Variants in CHD9 observed in about 807,000 individuals in gnomAD.
CHD9 encodes chromodomain helicase DNA binding protein 9, also known as ATP-dependent chromatin remodeler CHD9.
In CHD9, 77 loss-of-function variants were observed where a neutral mutation model predicts 316.1. That is an observed-to-expected ratio of 0.24 (90% confidence interval 0.20 to 0.29). The LOEUF is 0.29. CHD9 is among the 10% of genes least tolerant of loss of function. The pLI, the probability that CHD9 is intolerant of heterozygous loss-of-function variation, is 1.00. For synonymous variants in CHD9, 1,129 were observed against 1,158.3 expected (o/e 0.97, Z 0.51); for missense variants, 2,763 against 3,438.1 (o/e 0.80, Z 4.91).
chr16:53,215,925 T>C (rs913303171), intron 3 of CHD9, among the ~76,000 whole-genome samples: 72 of 152,214 alleles, frequency 4.7e-4, no homozygotes, highest in Non-Finnish European at 1.3e-4. Flanking sequence ...AAATTCATAC[T>C]TTAGTTTGAA....
intron 24 of CHD9, among the ~76,000 whole-genome samples, chr16:53,276,128 A>G (rs910638059): frequency 1.3e-5 from 2 of 152,098 alleles, no homozygotes; most frequent in African/African-American, 4.8e-5. Context: ...TCATTATTCA[A>G]CATAGATTCT....
chr16:53,127,928 G>A (rs1402544870), intron 1 of CHD9, among the ~76,000 whole-genome samples: 2 of 124,624 alleles, frequency 1.6e-5, no homozygotes, highest in African/African-American at 6.0e-5. Flanking sequence ...GGCCGACAGA[G>A]TGAGACTCTG....
At chr16:53,094,812 T>C (rs980348065) in intron 1 of CHD9, among the ~76,000 whole-genome samples, 3 of 152,000 alleles carry the variant, frequency 2.0e-5, no homozygotes, top group Non-Finnish European at 2.9e-5. Context: ...ACTAATTTTG[T>C]ATTTTTAGTA....
intron 16 of CHD9, 88 bp downstream of exon 16, chr16:53,247,591 T>C (rs2049742595): frequency 2.3e-6 from 2 of 860,724 alleles, no homozygotes; most frequent in Non-Finnish European, 3.6e-6. Context: ...ACTTTACTCA[T>C]ATCTTTCTCT....
chr16:53,267,197 T>C lies in CHD9; in HGVS notation c.4321-97T>C, dbSNP rs1467123988. The C allele has an allele frequency of 5.6e-6, 4 of 710,978 alleles. No homozygotes were observed. In the East Asian group the frequency reaches 9.1e-5, roughly 16 times the overall value. The allele number at this position is 710,978 out of a possible 1,614,324, so 44.0% of individuals were successfully genotyped here. A position where few individuals can be genotyped will look rare whatever the true frequency, so the allele number is the denominator to read the frequency against. On this transcript the variant is annotated intron_variant, in intron 20 of 38. Transcript: ENST00000447540. ...TGTTAGTTGTTTCTTTTTGTCTGTGTTTCTGTAATTATTGTTTGTATAAGG... is the reference window on the plus strand; with the variant it reads ...TGTTAGTTGTTTCTTTTTGTCTGTGCTTCTGTAATTATTGTTTGTATAAGG...
At chr16:53,312,086 A>G (rs1404903028) in intron 34 of CHD9, 1 of 152,218 alleles carries the variant, frequency 6.6e-6, no homozygotes, top group Non-Finnish European at 1.5e-5. Flanking sequence ...ATTAAAATGA[A>G]GAGTTAGTCA....
At chr16:53,174,015 TTC>T in intron 2 of CHD9, among the ~76,000 whole-genome samples, 1 of 152,228 alleles carries the variant, frequency 6.6e-6, no homozygotes, top group Non-Finnish European at 1.5e-5. Context: ...TAATTTTGAA[TTC>T]TGTTTTAAGT....
intron 1 of CHD9, among the ~76,000 whole-genome samples, chr16:53,134,012 A>T (rs1467587322): frequency 6.6e-6 from 1 of 152,206 alleles, no homozygotes; most frequent in Non-Finnish European, 1.5e-5. Flanking sequence ...TTTTCTAAAG[A>T]TGTGTTTATT....
intron 1 of CHD9, among the ~76,000 whole-genome samples, chr16:53,067,635 C>G (rs887825667): frequency 2.6e-5 from 4 of 152,050 alleles, no homozygotes; most frequent in Non-Finnish European, 4.4e-5. Flanking sequence ...TCATATTTTT[C>G]TCATGATTAG....
chr16:53,165,369 G>A (rs1307203683), intron 2 of CHD9, among the ~76,000 whole-genome samples: 4 of 152,156 alleles, frequency 2.6e-5, no homozygotes, highest in Admixed American at 1.3e-4. Flanking sequence ...ATCCAATTAT[G>A]TCAGGAAATT....
At chr16:53,162,521 T>C (rs1386571980) in intron 2 of CHD9, among the ~76,000 whole-genome samples, 2 of 152,204 alleles carry the variant, frequency 1.3e-5, no homozygotes, top group Non-Finnish European at 2.9e-5. Context: ...GATCTCTCAA[T>C]GTTTGTAAAT....
At chr16:53,302,657 G>A (rs2055552384) in intron 30 of CHD9, among the ~76,000 whole-genome samples, 1 of 152,134 alleles carries the variant, frequency 6.6e-6, no homozygotes, top group Admixed American at 6.5e-5. Context: ...GAATTCTGCT[G>A]TAAGAAAGGA....
intron 1 of CHD9, among the ~76,000 whole-genome samples, chr16:53,134,783 C>T (rs763030091): frequency 9.6e-4 from 146 of 152,298 alleles, no homozygotes; most frequent in Middle Eastern, 3.4e-3. Flanking sequence ...ATTCTCTGGA[C>T]TCAAAGTCAT....
chr16:53,188,607 T>TTA, intron 2 of CHD9, among the ~76,000 whole-genome samples: 1 of 122,594 alleles, frequency 8.2e-6, no homozygotes, highest in African/African-American at 3.2e-5. Context: ...ATTACCTTTT[T>TTA]TTTTTTTTTT....
Position 53,119,832 on chromosome 16 carries a change from GA to G in CHD9, c.-164-36086del, listed in dbSNP as rs555165009. On this transcript the variant is annotated intron_variant, in intron 1 of 38. Coordinates refer to ENST00000447540, the MANE Select transcript of CHD9 (RefSeq NM_001308319.2). ...GGGTGCCAGAGCGAAACTCCATACT[GA>G]AAAAAAACAAAACAACAAAAACAAG... 1.5e-3 allele frequency among the ~76,000 whole-genome samples: 225 copies of G among 151,554 alleles called. 3 individuals carry two copies. The highest frequency in any genetic ancestry group is 2.6e-3 in the Non-Finnish European group (179 of 67,838).
At position 53,235,995 on chromosome 16, in the gene CHD9, C is replaced by T. The variant is rs773137232; in HGVS notation, c.2633+689C>T. On this transcript the variant is annotated intron_variant, in intron 11 of 38. Coordinates refer to ENST00000447540, the MANE Select transcript of CHD9 (RefSeq NM_001308319.2). ...TCAGAATCATTTTTAATCATTTTTA[C>T]TTTTCACGTGAGTCTTCTGAATTGT... 2.0e-5 allele frequency among the ~76,000 whole-genome samples: 3 copies of T among 152,130 alleles called. No homozygotes were observed. In the South Asian group the frequency reaches 6.2e-4, roughly 32 times the overall value.
chr16:53,274,046 G>A (rs1413535437), intron 23 of CHD9, among the ~76,000 whole-genome samples, 167 bp from the exon 24 acceptor site: 2 of 152,012 alleles, frequency 1.3e-5, no homozygotes, highest in South Asian at 2.1e-4. Context: ...TGAAGATTTT[G>A]GAGAAGTTCT....
At chr16:53,259,176 G>T (rs537548050) in intron 19 of CHD9, among the ~76,000 whole-genome samples, 2 of 152,136 alleles carry the variant, frequency 1.3e-5, no homozygotes, top group Non-Finnish European at 2.9e-5. Flanking sequence ...TGAGAATCAT[G>T]TAAGCTATCT....
At chr16:53,254,750 T>C (rs1293889422) in intron 18 of CHD9, 145 bp downstream of exon 18, 1 of 564,898 alleles carries the variant, frequency 1.8e-6, no homozygotes, top group Non-Finnish European at 3.0e-6. Context: ...GACAGAGCTA[T>C]GTTTAGTTAA....
Sources: allele counts gnomAD v4.1 joint callset (sites outside exome capture counted in the v4.1 genomes callset), GRCh38; gene constraint gnomAD v4.1.1; transcripts MANE v1.5; gene names NCBI Gene and HGNC (gene_info 2026-07-23, HGNC 2026-07-21).